EPHB1: variants seen among roughly 807,000 people sequenced by gnomAD.
The protein encoded by EPHB1 is ephrin type-B receptor 1.
In EPHB1, 30 loss-of-function variants were observed where a neutral mutation model predicts 94.4. The ratio of observed to expected loss-of-function variants is 0.32; its 90% CI spans 0.24 to 0.43. EPHB1 has a LOEUF of 0.43. EPHB1 is among the 20% of genes least tolerant of loss of function. The pLI is 1.00. For synonymous variants in EPHB1, 522 were observed against 489.1 expected, an observed-to-expected ratio of 1.07 and a Z score of -0.89; for missense variants, 1,055 against 1,308.3, an observed-to-expected ratio of 0.81 and a Z score of 2.99.
intron 1 of EPHB1, among the ~76,000 whole-genome samples, chr3:134,912,850 C>A (rs560816974): frequency 1.1e-4 from 17 of 152,312 alleles, no homozygotes; most frequent in Non-Finnish European, 2.5e-4. Context: ...TCTTGGTTAT[C>A]TGGCTATGGC....
At chr3:134,857,211 C>T (rs1560266747) in intron 1 of EPHB1, among the ~76,000 whole-genome samples, 1 of 152,176 alleles carries the variant, frequency 6.6e-6, no homozygotes, top group East Asian at 1.9e-4. Flanking sequence ...CAGCATGCAC[C>T]TTGGAATTTC....
intron 1 of EPHB1, among the ~76,000 whole-genome samples, chr3:134,822,183 C>G (rs2036394662): frequency 6.6e-6 from 1 of 152,144 alleles, no homozygotes; most frequent in Non-Finnish European, 1.5e-5. Flanking sequence ...CTGCCTGGGA[C>G]CAAGCTTTAG....
intron 9 of EPHB1, among the ~76,000 whole-genome samples, chr3:135,173,646 G>A (rs747362398): frequency 3.3e-5 from 5 of 152,126 alleles, no homozygotes; most frequent in Admixed American, 6.5e-5. Context: ...TCTAGTGCTC[G>A]TCAGCCTTCG....
chr3:134,910,935 A>G (rs538167652), intron 1 of EPHB1, among the ~76,000 whole-genome samples: 1 of 152,366 alleles, frequency 6.6e-6, no homozygotes, highest in Non-Finnish European at 1.5e-5. Flanking sequence ...CAGAAAAGCT[A>G]TTGTAAGCAC....
intron 12 of EPHB1, among the ~76,000 whole-genome samples, chr3:135,207,955 G>A (rs1262963677): frequency 6.6e-6 from 1 of 152,176 alleles, no homozygotes; most frequent in Non-Finnish European, 1.5e-5. Flanking sequence ...ACTAACTGCA[G>A]TCACCTCCCA....
chr3:135,140,785 G>A (rs1940795608), intron 5 of EPHB1, among the ~76,000 whole-genome samples: 1 of 152,166 alleles, frequency 6.6e-6, no homozygotes, highest in Admixed American at 6.5e-5. Flanking sequence ...ACTGTTGTCT[G>A]TCCCCCTGCA....
At chr3:134,928,195 A>G (rs1456465972) in intron 2 of EPHB1, among the ~76,000 whole-genome samples, 1 of 152,190 alleles carries the variant, frequency 6.6e-6, no homozygotes. Flanking sequence ...ACATTTATAA[A>G]GGCCAGAAAC....
At chr3:135,193,009 G>A (rs1942499426) in intron 11 of EPHB1, among the ~76,000 whole-genome samples, 186 bp downstream of exon 11, 1 of 152,194 alleles carries the variant, frequency 6.6e-6, no homozygotes. Context: ...GGATCCTCAG[G>A]AGGAGGATGG....
intron 12 of EPHB1, among the ~76,000 whole-genome samples, chr3:135,205,739 A>G (rs72981634): frequency 0.048 from 7,301 of 152,226 alleles, 569 homozygotes; most frequent in African/African-American, 0.16. Context: ...CTATCCGTCT[A>G]TCCATCCCTC....
chr3:135,224,035 C>T (rs1198968649), intron 12 of EPHB1, among the ~76,000 whole-genome samples: 2 of 152,102 alleles, frequency 1.3e-5, no homozygotes. Context: ...TTTTACTATA[C>T]CTTTTCTGTG....
intron 1 of EPHB1, among the ~76,000 whole-genome samples, chr3:134,918,648 A>T (rs1264120403): frequency 6.6e-6 from 1 of 152,098 alleles, no homozygotes; most frequent in East Asian, 1.9e-4. Context: ...GTTGGCTCAC[A>T]CAGTTCTGCT....
chr3:135,177,496 C>T (rs1559862772), intron 9 of EPHB1, among the ~76,000 whole-genome samples: 1 of 152,172 alleles, frequency 6.6e-6, no homozygotes, highest in Non-Finnish European at 1.5e-5. Context: ...GGAAATATCA[C>T]AGCTCCCTTG....
chr3:135,183,066 CTTTCTT>C (rs1559865417), intron 10 of EPHB1, among the ~76,000 whole-genome samples: 3 of 119,628 alleles, frequency 2.5e-5, no homozygotes, highest in Non-Finnish European at 5.4e-5. Flanking sequence ...TTCTTTCTTT[CTTTCTT>C]TCTTTCTCTT....
At chr3:134,931,971 ATATG>A (rs2038913196) in intron 2 of EPHB1, among the ~76,000 whole-genome samples, 1 of 151,816 alleles carries the variant, frequency 6.6e-6, no homozygotes, top group Admixed American at 6.6e-5. Flanking sequence ...ATGAATGTAT[ATATG>A]TATGTGTATA....
chr3:135,209,571 C>T (rs764383903), intron 12 of EPHB1, among the ~76,000 whole-genome samples: 14 of 152,070 alleles, frequency 9.2e-5, no homozygotes, highest in African/African-American at 2.9e-4. Flanking sequence ...GTGGCCTATG[C>T]GCTTCAAAAA....
intron 3 of EPHB1, among the ~76,000 whole-genome samples, chr3:135,027,565 C>G (rs1048179212): frequency 6.7e-6 from 1 of 149,944 alleles, no homozygotes; most frequent in Non-Finnish European, 1.5e-5. Flanking sequence ...GGGATGAAGC[C>G]CACTTGATCA....
chr3:135,033,260 G>A (rs1309019657), intron 3 of EPHB1, among the ~76,000 whole-genome samples: 2 of 152,120 alleles, frequency 1.3e-5, no homozygotes, highest in Non-Finnish European at 2.9e-5. Context: ...TAAAGACAGA[G>A]AGACAGTCTC....
chr3:135,158,491 C>G (rs1372921269), intron 6 of EPHB1, among the ~76,000 whole-genome samples: 1 of 152,174 alleles, frequency 6.6e-6, no homozygotes, highest in Non-Finnish European at 1.5e-5. Flanking sequence ...AAACAGGTAG[C>G]TGGTCCATGA....
At chr3:134,856,999 T>A (rs946905906) in intron 1 of EPHB1, among the ~76,000 whole-genome samples, 2 of 152,236 alleles carry the variant, frequency 1.3e-5, no homozygotes, top group African/African-American at 4.8e-5. Context: ...AAAGAAGGAA[T>A]GTATCCTTCC....
Sources: gnomAD v4.1 joint callset for allele counts (sites outside exome capture counted in the v4.1 genomes callset) on GRCh38, gnomAD v4.1.1 for gene constraint, MANE v1.5 for transcripts, NCBI Gene and HGNC (gene_info 2026-07-23, HGNC 2026-07-21) for gene names.